ERC2: variants seen among roughly 807,000 people sequenced by gnomAD.
ERC2 encodes ERC protein 2.
In ERC2, 42 loss-of-function variants were observed where a neutral mutation model predicts 114.8. That is an observed-to-expected ratio of 0.37 (90% CI 0.29 to 0.47). ERC2 has a LOEUF of 0.47. Among genes scored for constraint, ERC2 ranks in the 20% least tolerant of loss-of-function variants. ERC2 has a pLI of 0.99. For synonymous variants in ERC2, 454 were observed against 425.5 expected, an observed-to-expected ratio of 1.07 and a Z score of -0.82; for missense variants, 939 against 1,150.7, an observed-to-expected ratio of 0.82 and a Z score of 2.66.
intron 14 of ERC2, among the ~76,000 whole-genome samples, chr3:55,806,328 C>CAA (rs58267124): frequency 0.06 from 6,620 of 111,146 alleles, 224 homozygotes; most frequent in Non-Finnish European, 0.098. Flanking sequence ...AACTCCTTCT[C>CAA]AAAAAAAAAA....
chr3:55,783,815 C>A (rs1272960368), intron 14 of ERC2, among the ~76,000 whole-genome samples: 2 of 152,180 alleles, frequency 1.3e-5, no homozygotes, highest in African/African-American at 4.8e-5. Context: ...GGTCCCAACA[C>A]TGAAAGCCAA....
At chr3:56,360,303 G>A (rs897423355) in intron 2 of ERC2, among the ~76,000 whole-genome samples, 3 of 151,846 alleles carry the variant, frequency 2.0e-5, no homozygotes, top group Non-Finnish European at 2.9e-5. Flanking sequence ...CAAAGTGCTG[G>A]GATTACAAGC....
At chr3:55,568,503 AGCCATCTT>A (rs2056512957) in intron 17 of ERC2, among the ~76,000 whole-genome samples, 1 of 152,192 alleles carries the variant, frequency 6.6e-6, no homozygotes, top group Non-Finnish European at 1.5e-5. Flanking sequence ...AAAACTCTGG[AGCCATCTT>A]TGGCTCCTCT....
At chr3:56,463,247 A>C (rs907881497) in intron 1 of ERC2, among the ~76,000 whole-genome samples, 2 of 152,288 alleles carry the variant, frequency 1.3e-5, no homozygotes, top group Admixed American at 6.5e-5. Flanking sequence ...ACAAAAAAAA[A>C]CAAAAACCAT....
chr3:55,922,748 A>C (rs779346680), intron 13 of ERC2, among the ~76,000 whole-genome samples: 19 of 152,142 alleles, frequency 1.2e-4, no homozygotes, highest in Middle Eastern at 3.2e-3. Context: ...GTAAGAATTA[A>C]CTATAAAAGT....
intron 2 of ERC2, among the ~76,000 whole-genome samples, chr3:56,400,906 C>T (rs139479532): frequency 1.2e-3 from 177 of 152,302 alleles, no homozygotes; most frequent in Non-Finnish European, 2.1e-3. Context: ...GAAACCCCAA[C>T]ACCCATACTG....
chr3:56,183,186 C>T (rs115502377), intron 3 of ERC2, among the ~76,000 whole-genome samples: 1 of 152,174 alleles, frequency 6.6e-6, no homozygotes, highest in African/African-American at 2.4e-5. Flanking sequence ...AGATGGATTC[C>T]AAAAGGCAAA....
At chr3:55,827,863 A>G (rs566968972) in intron 14 of ERC2, among the ~76,000 whole-genome samples, 1 of 152,220 alleles carries the variant, frequency 6.6e-6, no homozygotes, top group African/African-American at 2.4e-5. Context: ...CATGATAAAT[A>G]CAAAGCCCCT....
At chr3:56,263,823 A>T (rs2053106924) in intron 3 of ERC2, among the ~76,000 whole-genome samples, 1 of 152,200 alleles carries the variant, frequency 6.6e-6, no homozygotes, top group Non-Finnish European at 1.5e-5. Flanking sequence ...GACCATGATT[A>T]TCATGGTACC....
At chr3:55,786,967 C>T (rs2069553782) in intron 14 of ERC2, among the ~76,000 whole-genome samples, 1 of 152,178 alleles carries the variant, frequency 6.6e-6, no homozygotes, top group South Asian at 2.1e-4. Context: ...TACTACAAGT[C>T]CTTGCCCTGA....
At chr3:56,255,328 C>T (rs958758918) in intron 3 of ERC2, among the ~76,000 whole-genome samples, 1 of 152,368 alleles carries the variant, frequency 6.6e-6, no homozygotes, top group South Asian at 2.1e-4. Context: ...GGTCCACACA[C>T]TCTTGAGTCC....
At chr3:56,255,405 C>T (rs1285901149) in intron 3 of ERC2, among the ~76,000 whole-genome samples, 1 of 152,164 alleles carries the variant, frequency 6.6e-6, no homozygotes, top group Non-Finnish European at 1.5e-5. Context: ...AGCTCAAGAC[C>T]CCGCAGCTGC....
In ERC2 at chr3:55,955,171, A is replaced by G. The variant is rs372893546; in HGVS notation, c.2268-4611T>C. On this transcript the variant is annotated intron_variant, in intron 12 of 17. Transcript: ENST00000288221. ...TGGAAACTCCACACCAGTCTATAAA[A>G]ACAGTGGTCATGACTGAAGAAGGGA... The G allele has an allele frequency of 2.3e-4, 121 of 516,450 alleles. 2 individuals carry two copies. The highest frequency in any genetic ancestry group is 1.6e-3 in the South Asian group (111 of 70,620). The allele number at this position is 516,450 out of a possible 1,614,324, so 32.0% of individuals were successfully genotyped here.
At chr3:55,933,610 A>G (rs889307441) in intron 13 of ERC2, among the ~76,000 whole-genome samples, 24 of 152,310 alleles carry the variant, frequency 1.6e-4, no homozygotes, top group African/African-American at 5.8e-4. Flanking sequence ...CATAGCATCA[A>G]TCAAATTAAC....
At chr3:55,766,323 T>C (rs1402219280) in intron 14 of ERC2, among the ~76,000 whole-genome samples, 1 of 151,044 alleles carries the variant, frequency 6.6e-6, no homozygotes, top group African/African-American at 2.4e-5. Context: ...AATAGGGGAA[T>C]AGACGTATCA....
At chr3:55,936,074 C>T (rs547801745) in intron 13 of ERC2, among the ~76,000 whole-genome samples, 4 of 152,242 alleles carry the variant, frequency 2.6e-5, no homozygotes, top group Non-Finnish European at 4.4e-5. Context: ...ACTGAAAAGA[C>T]ACAGGTCCTC....
chr3:55,649,348 C>A (rs1403582529), intron 17 of ERC2, among the ~76,000 whole-genome samples: 1 of 151,304 alleles, frequency 6.6e-6, no homozygotes, highest in African/African-American at 2.4e-5. Flanking sequence ...GCAACCTCTG[C>A]CTCCCAGGTT....
At chr3:56,140,087 G>A (rs2080763422) in intron 5 of ERC2, among the ~76,000 whole-genome samples, 2 of 152,138 alleles carry the variant, frequency 1.3e-5, no homozygotes, top group Admixed American at 1.3e-4. Flanking sequence ...AATCATTCAA[G>A]GGCATCATTT....
intron 13 of ERC2, among the ~76,000 whole-genome samples, chr3:55,933,052 T>C (rs1248417970): frequency 6.6e-6 from 1 of 151,978 alleles, no homozygotes; most frequent in Non-Finnish European, 1.5e-5. Flanking sequence ...CTACTAAAAC[T>C]ACAAAAATTA....
Sources: allele counts gnomAD v4.1 joint callset (sites outside exome capture counted in the v4.1 genomes callset), GRCh38; gene constraint gnomAD v4.1.1; transcripts MANE v1.5; gene names NCBI Gene and HGNC (gene_info 2026-07-23, HGNC 2026-07-21).